PHOSPHO1: variants seen among roughly 807,000 people sequenced by gnomAD.
PHOSPHO1 encodes phosphoethanolamine/phosphocholine phosphatase 1, also known as phosphoethanolamine/phosphocholine phosphatase.
Under a neutral mutation model 17.7 loss-of-function variants are expected in PHOSPHO1, and 6 were observed. The observed-to-expected ratio is 0.34, with a 90% CI of 0.19 to 0.67. The LOEUF is 0.67. PHOSPHO1 is among the 30% of genes least tolerant of loss of function. The probability of loss-of-function intolerance (pLI) is 0.69; values close to 1 mark genes in which losing one functional copy is unlikely to be tolerated. For missense variants in PHOSPHO1, 330 were observed against 392.1 expected (o/e 0.84, Z 1.34); for synonymous variants, 159 against 174.6 (o/e 0.91, Z 0.71).
intron 2 of PHOSPHO1, 43 bp downstream of exon 2, chr17:49,226,604 G>A (rs1459273427): frequency 5.0e-6 from 8 of 1,603,684 alleles, no homozygotes; most frequent in African/African-American, 1.3e-5. Context: ...GAAACTGGGG[G>A]CTGAGGCCTC....
chr17:49,226,239 C>G (rs886635298), intron 2 of PHOSPHO1, among the ~76,000 whole-genome samples: 1 of 151,856 alleles, frequency 6.6e-6, no homozygotes, highest in African/African-American at 2.4e-5. Flanking sequence ...GGGATTGTTT[C>G]TCTTTCTGGT....
chr17:49,225,388 T>C (rs150617197), intron 2 of PHOSPHO1: 1 of 985,356 alleles, frequency 1.0e-6, no homozygotes, highest in African/African-American at 1.7e-5. Flanking sequence ...TTTGGAGACT[T>C]CCAGTGGCCC....
chr17:49,226,001 G>A (rs1409760377), intron 2 of PHOSPHO1, among the ~76,000 whole-genome samples: 1 of 152,020 alleles, frequency 6.6e-6, no homozygotes, highest in East Asian at 1.9e-4. Flanking sequence ...TTGTTGGAGG[G>A]GAGGGTGGTA....
rs1344734987 is a variant in PHOSPHO1 at position 49,224,475 on chromosome 17, C to T, written c.575G>A (p.Gly192Asp). 3.2e-6 allele frequency: 5 copies of T among 1,565,400 alleles called. No homozygotes were observed. Among genetic ancestry groups the T allele is most frequent in the Non-Finnish European group, 4.3e-6 (5 of 1,157,412 alleles). ...GTAGAAGAGGCGCTCGAAGTGCACGCCGTCGTGGGCCCGCTCGCGCAGGTA... is the reference window on the plus strand; with the variant it reads ...GTAGAAGAGGCGCTCGAAGTGCACGTCGTCGTGGGCCCGCTCGCGCAGGTA... Reference protein sequence around the residue: ...SDYLRERAHDGVHFERLFYVG... With the variant: ...SDYLRERAHDDVHFERLFYVG... The change falls in exon 3 of 3, where the codon GGC becomes GAC. Residue 192 changes from glycine (G) to aspartate (D), a missense_variant. By Grantham distance (94) the Gly-to-Asp change is moderately conservative. Coordinates refer to ENST00000310544, the MANE Select transcript of PHOSPHO1 (RefSeq NM_178500.4).
At chr17:49,225,029 G>A (rs1450753864) in intron 2 of PHOSPHO1, 25 bp from the exon 3 acceptor site, 1 of 1,381,656 alleles carries the variant, frequency 7.2e-7, no homozygotes, top group Non-Finnish European at 9.6e-7. Context: ...GAGAGCAGCA[G>A]GAGGAGGAGG....
chr17:49,224,834 C>T lies in PHOSPHO1; in HGVS notation c.216G>A (p.Met72Ile). 6.2e-7 allele frequency: 1 copy of T among 1,605,804 alleles called. No homozygotes were observed. Among genetic ancestry groups the T allele is most frequent in the Non-Finnish European group, 8.5e-7 (1 of 1,176,428 alleles). ...CGCCCAGGTACTTGAAGACGCGCTG[C>T]ATGTACTCGTTGTAGAAGCCCTCGC... is the stretch of plus-strand genomic sequence containing the variant. ...TYREGFYNEY[M>I]QRVFKYLGEQ... Residue 72 changes from methionine (M) to isoleucine (I), a missense_variant, in exon 3 of 3, where the codon ATG (methionine) becomes ATA (isoleucine). Physicochemically the swap from Met to Ile is conservative, Grantham distance 10. Transcript: ENST00000310544.
chr17:49,226,356 A>C lies in PHOSPHO1; in HGVS notation c.45+291T>G, dbSNP rs557315532. ...TTCGGAGCTGGGATTTCGATTGGCT[A>C]TCTGCCTCCCTAACCAAGCTGTCCC... On this transcript the variant is annotated intron_variant, in intron 2 of 2. Coordinates refer to ENST00000310544, the MANE Select transcript of PHOSPHO1 (RefSeq NM_178500.4). Among the ~76,000 whole-genome samples the C allele has an allele frequency of 7.2e-5, 11 of 152,250 alleles. No homozygotes were observed. The South Asian group carries it at 2.3e-3, about 32-fold the overall frequency.
At chr17:49,225,172 C>T (rs1364414686) in intron 2 of PHOSPHO1, 168 bp from the exon 3 acceptor site, 2 of 1,432,148 alleles carry the variant, frequency 1.4e-6, no homozygotes, top group Non-Finnish European at 1.8e-6. Flanking sequence ...GAGGAGTACC[C>T]AATGCCACCA....
intron 2 of PHOSPHO1, chr17:49,225,354 G>A: frequency 1.0e-6 from 1 of 985,434 alleles, no homozygotes; most frequent in Non-Finnish European, 1.2e-6. Context: ...TCACCACTTT[G>A]GGGAGGTTTC....
At chr17:49,230,199 G>T (rs982191238) in intron 1 of PHOSPHO1, among the ~76,000 whole-genome samples, 1 of 152,168 alleles carries the variant, frequency 6.6e-6, no homozygotes, top group Non-Finnish European at 1.5e-5. Flanking sequence ...CGGGCGCTGG[G>T]CTCCAATGCG....
intron 2 of PHOSPHO1, 56 bp from the exon 3 acceptor site, chr17:49,225,060 G>T: frequency 6.9e-7 from 1 of 1,447,662 alleles, no homozygotes; most frequent in Non-Finnish European, 9.0e-7. Context: ...AAGCGAGAGG[G>T]GGCGCGGCAG....
chr17:49,224,621 G>T lies in PHOSPHO1; in HGVS notation c.429C>A (p.Arg143=). Reference sequence around the variant, plus strand: ...GCCCCGACGGGTTGCTGAGGATGCGGCGGAACAGGCTGTGGTGGCCGGCGG... The same window carrying T: ...GCCCCGACGGGTTGCTGAGGATGCGTCGGAACAGGCTGTGGTGGCCGGCGG... The part of the protein sequence containing the change: ...LRAAGHHSLF[R]RILSNPSGPD... Residue 143 remains arginine, a synonymous_variant, in exon 3 of 3, where the codon CGC becomes CGA. Transcript: ENST00000310544. The T allele has an allele frequency of 6.3e-7, 1 of 1,581,642 alleles. No homozygotes were observed.
At chr17:49,228,196 T>C (rs2043374411) in intron 1 of PHOSPHO1, among the ~76,000 whole-genome samples, 2 of 152,116 alleles carry the variant, frequency 1.3e-5, no homozygotes, top group Middle Eastern at 3.2e-3. Flanking sequence ...CCAGCTTTCA[T>C]CCTATAGAGA....
At chr17:49,228,698 G>C (rs897691721) in intron 1 of PHOSPHO1, among the ~76,000 whole-genome samples, 1 of 150,956 alleles carries the variant, frequency 6.6e-6, no homozygotes, top group Non-Finnish European at 1.5e-5. Flanking sequence ...GCTGAGGCAG[G>C]AGAATGGCGT....
rs71144585 is a variant in PHOSPHO1, at chr17:49,228,787, CAA to C, written c.-68+1679_-68+1680del. Among the ~76,000 whole-genome samples the C allele has an allele frequency of 6.6e-3, 523 of 78,792 alleles. 2 individuals are homozygous for C. The highest frequency in any genetic ancestry group is 0.022 in the African/African-American group (448 of 20,048). The allele number at this position is 78,792 out of a possible 152,430, so 51.7% of individuals were successfully genotyped here. A position where few individuals can be genotyped will look rare whatever the true frequency, so the allele number is the denominator to read the frequency against. On this transcript the variant is annotated intron_variant, in intron 1 of 2. Transcript: ENST00000310544. ...CCTGGGCGACAGCGAGACTCCGTCT[CAA>C]AAAAAAAAAAAAAAAAAAAAATTAG...
chr17:49,226,604 G>T, intron 2 of PHOSPHO1, 43 bp downstream of exon 2: 1 of 1,603,802 alleles, frequency 6.2e-7, no homozygotes, highest in South Asian at 1.1e-5. Context: ...GAAACTGGGG[G>T]CTGAGGCCTC....
rs1410481409 is a variant in PHOSPHO1, at chr17:49,224,935, C to T, written c.115G>A (p.Asp39Asn). ...ACGATCGAATCGTCGCTGTTTTCGT[C>T]CACGATAGTCTCGTCGAAGTCGAAG... ...LTFDFDETIV[D>N]ENSDDSIVRA... The change falls in exon 3 of 3, where the codon GAC (aspartate) becomes AAC (asparagine). Residue 39 changes from aspartate (D) to asparagine (N), a missense_variant. Asp to Asn is a conservative substitution (Grantham distance 23, BLOSUM62 1). Transcript: ENST00000310544. 1 of 1,592,360 alleles carries T rather than the reference C, an allele frequency of 6.3e-7. No homozygotes were observed. The highest frequency in any genetic ancestry group is 1.8e-5 in the Admixed American group (1 of 56,904).
intron 1 of PHOSPHO1, chr17:49,228,993 AAACTC>A (rs2043388649): frequency 1.1e-4 from 2 of 17,664 alleles, no homozygotes; most frequent in African/African-American, 2.5e-4. Flanking sequence ...CACACACACA[AAACTC>A]CTCATTTCTC....
chr17:49,226,185 C>T (rs2043354399), intron 2 of PHOSPHO1, among the ~76,000 whole-genome samples: 1 of 152,126 alleles, frequency 6.6e-6, no homozygotes. Flanking sequence ...GATACCCACA[C>T]ACTGCTTTTC....
Sources: allele counts gnomAD v4.1 joint callset (sites outside exome capture counted in the v4.1 genomes callset), GRCh38; gene constraint gnomAD v4.1.1; transcripts MANE v1.5; gene names NCBI Gene and HGNC (gene_info 2026-07-23, HGNC 2026-07-21).